Variants in DSG1 observed in about 807,000 individuals in gnomAD.
DSG1 encodes desmoglein 1, also known as desmoglein-1.
DSG1 carries 39 observed loss-of-function variants against 97.5 expected under a neutral mutation model. The observed-to-expected ratio is 0.40, with a 90% CI of 0.31 to 0.52. The LOEUF is 0.52. Ranked by LOEUF, DSG1 falls within the 20% of genes least tolerant of loss-of-function variation. The pLI is 0.53. For synonymous variants in DSG1, 475 were observed against 443.4 expected, an observed-to-expected ratio of 1.07 and a Z score of -0.90; for missense variants, 1,311 against 1,295.4, an observed-to-expected ratio of 1.01 and a Z score of -0.18.
intron 7 of DSG1, 72 bp downstream of exon 7, chr18:31,333,795 T>C: frequency 6.4e-7 from 1 of 1,555,338 alleles, no homozygotes; most frequent in Non-Finnish European, 8.9e-7. Context: ...CAATTCTGCT[T>C]ACAGAGGCAC....
rs955522159 is a variant in DSG1, at chr18:31,358,407, T to C, written c.*3061T>C. ...AGAAAAAGTACATATTTAGGGTTAT[T>C]TATATATCTTCATCTAGACATCTGT... On this transcript the variant is annotated 3_prime_UTR_variant, in exon 15 of 15. Transcript: ENST00000257192. Among the ~76,000 whole-genome samples the C allele has an allele frequency of 6.6e-6, 1 of 152,066 alleles. No homozygotes were observed. Among genetic ancestry groups the C allele is most frequent in the African/African-American group, 2.4e-5 (1 of 41,446 alleles).
intron 9 of DSG1, 88 bp from the exon 10 acceptor site, chr18:31,338,227 A>AC: frequency 7.5e-7 from 1 of 1,334,934 alleles, no homozygotes; most frequent in Non-Finnish European, 1.0e-6. Context: ...GATTATAATT[A>AC]CTCACTGAAA....
chr18:31,337,442 G>A (rs2071763107), intron 9 of DSG1, among the ~76,000 whole-genome samples: 1 of 152,046 alleles, frequency 6.6e-6, no homozygotes, highest in African/African-American at 2.4e-5. Flanking sequence ...TAGTAGAGAA[G>A]GGGTTTCACC....
In DSG1 at chr18:31,354,683, T is replaced by G. The variant is rs774220354; in HGVS notation, c.2487T>G (p.Pro829=). ...GVLHPKPILD[P]LGYGNVTVTE... is the part of the protein sequence containing the mutation. ...TGCATCCTAAGCCTATTCTCGATCC[T>G]CTGGGCTATGGTAATGTCACTGTGA... is the stretch of plus-strand genomic sequence containing the variant. Residue 829 remains proline (P), a synonymous_variant, in exon 15 of 15, where the codon CCT becomes CCG. Coordinates refer to ENST00000257192, the MANE Select transcript of DSG1 (RefSeq NM_001942.4). The G allele has an allele frequency of 6.1e-5, 98 of 1,614,012 alleles. No individual in the cohort carries two copies. Among genetic ancestry groups the G allele is most frequent in the Non-Finnish European group, 8.1e-5 (95 of 1,180,040 alleles).
chr18:31,326,001 T>A (rs1350941793), intron 1 of DSG1, among the ~76,000 whole-genome samples: 1 of 151,990 alleles, frequency 6.6e-6, no homozygotes, highest in East Asian at 1.9e-4. Context: ...GTAATAACAA[T>A]CATAATTATT....
At chr18:31,318,443 A>G in intron 1 of DSG1, 95 bp downstream of exon 1, 2 of 952,108 alleles carry the variant, frequency 2.1e-6, no homozygotes, top group Non-Finnish European at 3.5e-6. Flanking sequence ...TTTCTAACCT[A>G]AACCCATTGA....
At chr18:31,328,050 C>G (rs1366846519) in intron 3 of DSG1, 139 bp from the exon 4 acceptor site, 7 of 815,740 alleles carry the variant, frequency 8.6e-6, no homozygotes, top group South Asian at 3.7e-5. Flanking sequence ...TTACTCTTAT[C>G]TAGGAAAATA....
At chr18:31,328,018 G>A (rs2071696983) in intron 3 of DSG1, among the ~76,000 whole-genome samples, 171 bp from the exon 4 acceptor site, 1 of 152,064 alleles carries the variant, frequency 6.6e-6, no homozygotes, top group South Asian at 2.1e-4. Context: ...AGTTACCATT[G>A]AAAATATTAG....
At chr18:31,343,391 G>C (rs2071803030) in intron 11 of DSG1, 59 bp from the exon 12 acceptor site, 2 of 1,606,990 alleles carry the variant, frequency 1.2e-6, no homozygotes, top group Non-Finnish European at 1.7e-6. Flanking sequence ...AAATCAGGTT[G>C]TTTTGTTTTT....
chr18:31,353,654 G>T (rs1487484225), intron 14 of DSG1, among the ~76,000 whole-genome samples: 1 of 151,702 alleles, frequency 6.6e-6, no homozygotes, highest in African/African-American at 2.4e-5. Context: ...CGAGCCAGGT[G>T]CAGGATATAA....
chr18:31,335,035 G>A (rs1357737888), intron 8 of DSG1, among the ~76,000 whole-genome samples: 2 of 151,802 alleles, frequency 1.3e-5, no homozygotes, highest in Admixed American at 6.6e-5. Context: ...TTCAGACTAG[G>A]TCTGGAAAAC....
chr18:31,343,227 T>G, intron 11 of DSG1: 1 of 562,022 alleles, frequency 1.8e-6, no homozygotes, highest in South Asian at 2.0e-5. Context: ...TTTGTAATTT[T>G]TAATACTATA....
In DSG1 at chr18:31,343,361, A is replaced by T. The variant is rs550131708; in HGVS notation, c.1688-89A>T. The T allele has an allele frequency of 3.7e-4, 577 of 1,560,266 alleles. 5 individuals carry two copies. The African/African-American group carries it at 7.0e-3, about 19-fold the overall frequency. On this transcript the variant is annotated intron_variant, in intron 11 of 14. Transcript: ENST00000257192. ...TAGAACCAACCAGAATTATATTACG[A>T]ATTCAAATTTAACCATAAAAAATCA...
chr18:31,329,470 A>G (rs1171378466), intron 4 of DSG1, among the ~76,000 whole-genome samples: 1 of 151,856 alleles, frequency 6.6e-6, no homozygotes, highest in African/African-American at 2.4e-5. Context: ...ATGATCCCCC[A>G]CAAACTTTAA....
chr18:31,333,159 A>G (rs1463175444), intron 6 of DSG1, among the ~76,000 whole-genome samples: 1 of 152,150 alleles, frequency 6.6e-6, no homozygotes, highest in Non-Finnish European at 1.5e-5. Context: ...ATCACCAATA[A>G]TTCCACTGCC....
intron 1 of DSG1, among the ~76,000 whole-genome samples, chr18:31,324,530 G>A (rs1305545204): frequency 6.6e-6 from 1 of 151,972 alleles, no homozygotes; most frequent in Non-Finnish European, 1.5e-5. Context: ...CTTCACCCAG[G>A]CATTATCTGG....
intron 10 of DSG1, among the ~76,000 whole-genome samples, chr18:31,339,074 C>T (rs2071772457): frequency 6.6e-6 from 1 of 151,964 alleles, no homozygotes; most frequent in Admixed American, 6.6e-5. Context: ...CTGAATAATT[C>T]CACTTTCAAT....
intron 14 of DSG1, among the ~76,000 whole-genome samples, chr18:31,353,353 A>G (rs955774888): frequency 7.9e-5 from 12 of 151,226 alleles, no homozygotes; most frequent in East Asian, 7.9e-4. Flanking sequence ...GCGTGCTGGG[A>G]GAACCACTGC....
In DSG1 at chr18:31,354,660, C is replaced by T; in HGVS notation, c.2464C>T (p.His822Tyr). 1 of 1,614,176 alleles carries T rather than the reference C, an allele frequency of 6.2e-7. No individual in the cohort carries two copies. The highest frequency in any genetic ancestry group is 8.5e-7 in the Non-Finnish European group (1 of 1,180,028). ...CTATCCCTCGGGACCTGGTGTACTG[C>T]ATCCTAAGCCTATTCTCGATCCTCT... ...STYPSGPGVLHPKPILDPLGY... is the reference protein window; with the variant it reads ...STYPSGPGVLYPKPILDPLGY... Residue 822 changes from histidine (H) to tyrosine (Y), a missense_variant, in exon 15 of 15, where the codon CAT (histidine) becomes TAT (tyrosine). This residue lies in a region of DSG1 where 1,038 missense variants were observed against 964.6 expected (regional missense o/e 1.08). Coordinates refer to ENST00000257192, the MANE Select transcript of DSG1 (RefSeq NM_001942.4).
Sources: allele counts gnomAD v4.1 joint callset (sites outside exome capture counted in the v4.1 genomes callset), GRCh38; gene constraint gnomAD v4.1.1; regional missense constraint gnomAD v4.1.1; transcripts MANE v1.5; gene names NCBI Gene and HGNC (gene_info 2026-07-23, HGNC 2026-07-21).